Variants in AXDND1 observed in about 807,000 individuals in gnomAD.
AXDND1 encodes axonemal dynein light chain domain-containing protein 1.
Under a neutral mutation model 137.5 loss-of-function variants are expected in AXDND1, and 110 were observed. That is an observed-to-expected ratio of 0.80 (90% CI 0.69 to 0.94). The LOEUF is 0.94. AXDND1 is among the 40% of genes least tolerant of loss of function. The probability of loss-of-function intolerance (pLI) is 0.00; values close to 1 mark genes in which losing one functional copy is unlikely to be tolerated. For missense variants in AXDND1, 1,191 were observed against 1,169.8 expected (o/e 1.02, Z -0.26); for synonymous variants, 414 against 399.7 (o/e 1.04, Z -0.43).
intron 20 of AXDND1, among the ~76,000 whole-genome samples, chr1:179,497,523 A>G (rs1489285913): frequency 1.3e-5 from 2 of 152,192 alleles, no homozygotes; most frequent in East Asian, 1.9e-4. Context: ...AATAAGAGCC[A>G]TCTATGACAA....
chr1:179,471,781 T>TTTTACTC (rs1663965675), intron 17 of AXDND1, among the ~76,000 whole-genome samples: 1 of 152,228 alleles, frequency 6.6e-6, no homozygotes, highest in African/African-American at 2.4e-5. Context: ...TTCCATAGTC[T>TTTTACTC]TAAGTTGAGC....
chr1:179,475,412 C>T (rs1664489275), intron 17 of AXDND1, among the ~76,000 whole-genome samples: 1 of 152,218 alleles, frequency 6.6e-6, no homozygotes, highest in African/African-American at 2.4e-5. Context: ...CTGCCCAGGC[C>T]TATGGGAATG....
rs765830407 is a variant in AXDND1 at position 179,554,668 on chromosome 1, T to C, written c.*149T>C. ...ACATTATTTGCCTGTTGTATTTAAC[T>C]TCACAGTGCCTTGCAAAGAGTTGTT... is the stretch of plus-strand genomic sequence containing the variant. On this transcript the variant is annotated 3_prime_UTR_variant, in exon 26 of 26. Coordinates refer to ENST00000367618, the MANE Select transcript of AXDND1 (RefSeq NM_144696.6). 9.9e-5 allele frequency: 118 copies of C among 1,189,716 alleles called. No individual in the cohort carries two copies. Among genetic ancestry groups the C allele is most frequent in the Non-Finnish European group, 1.4e-4 (115 of 808,094 alleles). 73.7% of individuals were successfully genotyped at this position (1,189,716 alleles called of 1,614,324 possible).
intron 21 of AXDND1, among the ~76,000 whole-genome samples, chr1:179,513,030 T>A (rs1245713552): frequency 6.6e-6 from 1 of 152,234 alleles, no homozygotes; most frequent in Admixed American, 6.5e-5. Flanking sequence ...ACTTCCTCTT[T>A]ACCAATTTGG....
intron 23 of AXDND1, among the ~76,000 whole-genome samples, chr1:179,531,829 C>T (rs190687964): frequency 5.3e-5 from 8 of 152,216 alleles, no homozygotes; most frequent in Middle Eastern, 3.4e-3. Flanking sequence ...TGATGTCAGA[C>T]GGAGACTAAC....
chr1:179,525,380 A>G lies in AXDND1; in HGVS notation c.2543A>G (p.Lys848Arg), dbSNP rs775458729. ...GAGCCTGAAATAGACGAGTCTTTTA[A>G]AGAAGATGAAGAAGAAAGTAAGGAG... is the stretch of plus-strand genomic sequence containing the variant. ...FIEPEIDESFKEDEEESKEDR... is the reference protein window; with the variant it reads ...FIEPEIDESFREDEEESKEDR... The change falls in exon 22 of 26, where the codon AAA (lysine) becomes AGA (arginine). Residue 848 changes from lysine to arginine, a missense_variant. By Grantham distance (26) the Lys-to-Arg change is conservative. Transcript: ENST00000367618. 1 of 1,612,464 alleles carries G rather than the reference A, an allele frequency of 6.2e-7. No homozygotes were observed. The highest frequency in any genetic ancestry group is 1.1e-5 in the South Asian group (1 of 90,962).
At chr1:179,516,923 T>G (rs1669594109) in intron 21 of AXDND1, among the ~76,000 whole-genome samples, 1 of 152,212 alleles carries the variant, frequency 6.6e-6, no homozygotes, top group African/African-American at 2.4e-5. Context: ...GTTTTTGTGC[T>G]GCTTGGTCTC....
intron 12 of AXDND1, among the ~76,000 whole-genome samples, chr1:179,418,361 C>G: frequency 6.6e-6 from 1 of 152,234 alleles, no homozygotes; most frequent in Non-Finnish European, 1.5e-5. Context: ...TAGTACGGAA[C>G]AAAATGAAAA....
chr1:179,491,389 T>C (rs16828724), intron 18 of AXDND1, 149 bp from the exon 19 acceptor site: 35,581 of 589,468 alleles, frequency 0.06, 1,346 homozygotes, highest in African/African-American at 0.071. Context: ...GAAAATAGGG[T>C]CATGCTAGCT....
intron 16 of AXDND1, chr1:179,448,307 G>C (rs1396673895): frequency 4.0e-6 from 3 of 758,580 alleles, no homozygotes; most frequent in Non-Finnish European, 7.4e-6. Context: ...TGTTAGAGCT[G>C]TTGAAAATGC....
intron 16 of AXDND1, chr1:179,448,981 G>A: frequency 3.2e-6 from 1 of 308,314 alleles, no homozygotes; most frequent in South Asian, 2.4e-5. Context: ...CAGCCTCCTG[G>A]GTTTAAGCAA....
chr1:179,401,898 G>A (rs929503443), intron 11 of AXDND1, among the ~76,000 whole-genome samples: 2 of 152,116 alleles, frequency 1.3e-5, no homozygotes, highest in Non-Finnish European at 2.9e-5. Flanking sequence ...TCGGGGCCGG[G>A]CAAGGTGGCT....
At chr1:179,378,778 A>G (rs763184843) in intron 5 of AXDND1, 21 bp downstream of exon 5, 2 of 1,473,362 alleles carry the variant, frequency 1.4e-6, no homozygotes, top group South Asian at 3.3e-5. Flanking sequence ...TATTTGACAA[A>G]TAATCTTCTC....
intron 4 of AXDND1, among the ~76,000 whole-genome samples, chr1:179,377,698 A>G (rs2125070167): frequency 6.6e-6 from 1 of 152,332 alleles, no homozygotes; most frequent in South Asian, 2.1e-4. Context: ...GAAGCATGGT[A>G]GAAGATAACT....
intron 18 of AXDND1, among the ~76,000 whole-genome samples, chr1:179,485,430 C>A (rs747837001): frequency 1.3e-5 from 2 of 152,140 alleles, no homozygotes; most frequent in African/African-American, 2.4e-5. Flanking sequence ...CTAAGCTGAG[C>A]CTTGGACCCC....
intron 23 of AXDND1, among the ~76,000 whole-genome samples, chr1:179,529,591 A>C (rs970909394): frequency 1.3e-5 from 2 of 152,198 alleles, no homozygotes; most frequent in Non-Finnish European, 2.9e-5. Flanking sequence ...GAGAGAGAAA[A>C]GGAAGAAGCT....
At chr1:179,431,666 C>A (rs7547838) in intron 14 of AXDND1, among the ~76,000 whole-genome samples, 81 of 152,004 alleles carry the variant, frequency 5.3e-4, no homozygotes, top group African/African-American at 1.8e-3. Context: ...AAAGGTTTCC[C>A]CATTAGTAGA....
chr1:179,504,469 G>A (rs1381420459), intron 20 of AXDND1, among the ~76,000 whole-genome samples: 1 of 152,042 alleles, frequency 6.6e-6, no homozygotes, highest in Non-Finnish European at 1.5e-5. Flanking sequence ...GCGAGACCAG[G>A]TTTTCAGATA....
At chr1:179,374,888 T>TG (rs1040780527) in intron 4 of AXDND1, among the ~76,000 whole-genome samples, 38 of 150,580 alleles carry the variant, frequency 2.5e-4, no homozygotes, top group South Asian at 8.5e-4. Flanking sequence ...GATGAGTTAA[T>TG]GGGGGGTGCA....
Sources: allele counts gnomAD v4.1 joint callset (sites outside exome capture counted in the v4.1 genomes callset), GRCh38; gene constraint gnomAD v4.1.1; transcripts MANE v1.5; gene names NCBI Gene and HGNC (gene_info 2026-07-23, HGNC 2026-07-21).